GSE1: variants seen among roughly 807,000 people sequenced by gnomAD.
The protein encoded by GSE1 is genetic suppressor element 1.
GSE1 carries 32 observed loss-of-function variants against 112.6 expected under a neutral mutation model. The observed-to-expected ratio is 0.28, with a 90% CI of 0.21 to 0.38. The LOEUF (loss-of-function observed/expected upper bound fraction) is 0.38. Among genes scored for constraint, GSE1 ranks in the 10% least tolerant of loss-of-function variants. The pLI is 1.00. For synonymous variants in GSE1, 1,115 were observed against 735.6 expected, an observed-to-expected ratio of 1.52 and a Z score of -8.35; for missense variants, 2,348 against 1,699.2, an observed-to-expected ratio of 1.38 and a Z score of -6.71.
intron 1 of GSE1, among the ~76,000 whole-genome samples, chr16:85,604,947 A>G (rs1224013279): frequency 3.0e-5 from 4 of 134,678 alleles, no homozygotes; most frequent in African/African-American, 5.7e-5. Context: ...CCTCCCGAGT[A>G]GCTGGGACTA....
At chr16:85,289,219 C>T (rs1480568988) in intron 1 of GSE1, among the ~76,000 whole-genome samples, 1 of 152,160 alleles carries the variant, frequency 6.6e-6, no homozygotes, top group Non-Finnish European at 1.5e-5. Flanking sequence ...TCCCTGGAGT[C>T]CTCCCTGCAG....
At chr16:85,629,820 G>C (rs1303711322) in intron 1 of GSE1, among the ~76,000 whole-genome samples, 1 of 152,200 alleles carries the variant, frequency 6.6e-6, no homozygotes, top group Non-Finnish European at 1.5e-5. Flanking sequence ...ATGGATTGAG[G>C]GGGCGGCCTG....
intron 1 of GSE1, among the ~76,000 whole-genome samples, chr16:85,320,102 G>A (rs2930233): frequency 0.89 from 135,533 of 152,266 alleles, 60,602 homozygotes; most frequent in East Asian, 1. Context: ...AACTTTAAAT[G>A]AGGCAACAAG....
rs557067555 is a variant in GSE1, at chr16:85,418,993, C to T, written c.2464+61350C>T. ...GGGGGTGGGAGAGGCGCTGGAGCTCCGTCCTGGCCATGTGAGAGCTGCCGT... is the reference window on the plus strand; with the variant it reads ...GGGGGTGGGAGAGGCGCTGGAGCTCTGTCCTGGCCATGTGAGAGCTGCCGT... On this transcript the variant is annotated intron_variant, in intron 2 of 2. Transcript: ENST00000637419. Among the ~76,000 whole-genome samples the T allele has an allele frequency of 4.5e-4, 69 of 152,218 alleles. 1 individual carries two copies. Among genetic ancestry groups the T allele is most frequent in the African/African-American group, 1.5e-3 (63 of 41,526 alleles).
intron 1 of GSE1, among the ~76,000 whole-genome samples, chr16:85,314,017 G>A (rs566363085): frequency 6.6e-6 from 1 of 151,964 alleles, no homozygotes; most frequent in Admixed American, 6.6e-5. Context: ...AGCCTAGTGT[G>A]TGTATAAGAC....
At chr16:85,653,517 A>G (rs2051621358) in intron 3 of GSE1, among the ~76,000 whole-genome samples, 1 of 150,622 alleles carries the variant, frequency 6.6e-6, no homozygotes, top group Non-Finnish European at 1.5e-5. Context: ...GTGCCTGGAG[A>G]AGACCCCTCA....
At chr16:85,430,754 G>T (rs750899060) in intron 2 of GSE1, among the ~76,000 whole-genome samples, 6 of 152,204 alleles carry the variant, frequency 3.9e-5, no homozygotes, top group Non-Finnish European at 7.4e-5. Flanking sequence ...CCTGACGTAG[G>T]CACACACGTG....
chr16:85,559,271 G>A (rs2045398887), intron 1 of GSE1, among the ~76,000 whole-genome samples: 1 of 152,230 alleles, frequency 6.6e-6, no homozygotes, highest in African/African-American at 2.4e-5. Flanking sequence ...TATCAGATGA[G>A]CAAAGTGAGA....
chr16:85,373,669 C>A lies in GSE1; in HGVS notation c.2464+16026C>A, dbSNP rs1487356584. Among the ~76,000 whole-genome samples the A allele has an allele frequency of 1.3e-5, 2 of 152,146 alleles. No individual in the cohort carries two copies. Among genetic ancestry groups the A allele is most frequent in the African/African-American group, 2.4e-5 (1 of 41,448 alleles). ...ACGGCCTGGAAGAGTCCGCTCAGAG[C>A]AGGTGCTCCAGGGAGATTCTGGAGT... is the stretch of plus-strand genomic sequence containing the variant. On this transcript the variant is annotated intron_variant, in intron 2 of 2. Coordinates refer to the GSE1 transcript ENST00000637419. This position sits in a 1 kb window ranked among gnomAD's most constrained non-coding sequence, Gnocchi z 5.1.
intron 1 of GSE1, among the ~76,000 whole-genome samples, chr16:85,617,534 A>G (rs2048445712): frequency 6.9e-6 from 1 of 145,282 alleles, no homozygotes; most frequent in Admixed American, 7.1e-5. Flanking sequence ...TCCAGGCTGT[A>G]CTGCCAGGCA....
chr16:85,338,538 T>A (rs562412319), intron 1 of GSE1, among the ~76,000 whole-genome samples: 1 of 152,344 alleles, frequency 6.6e-6, no homozygotes, highest in African/African-American at 2.4e-5. Context: ...CAAGTAAGAT[T>A]TGCAAAGTGC....
intron 1 of GSE1, among the ~76,000 whole-genome samples, chr16:85,620,637 C>T (rs1377976455): frequency 2.0e-5 from 3 of 152,282 alleles, no homozygotes; most frequent in South Asian, 2.1e-4. Context: ...GATAAGAAAA[C>T]AGGGTTTCGG....
rs1455897417 is a variant in GSE1 at position 85,209,130 on chromosome 16, C to T, written c.2283+37323C>T. Among the ~76,000 whole-genome samples the T allele has an allele frequency of 7.2e-5, 11 of 152,226 alleles. No homozygotes were observed. In the East Asian group the frequency reaches 1.7e-3, roughly 24 times the overall value. On this transcript the variant is annotated intron_variant, in intron 1 of 2. Transcript: ENST00000637419. ...GGGTTCGCTGTGTGTTGGGGTTTGCCGTGTGTTTACTGAGTCCAGTGTTTC... is the reference window on the plus strand; with the variant it reads ...GGGTTCGCTGTGTGTTGGGGTTTGCTGTGTGTTTACTGAGTCCAGTGTTTC...
At chr16:85,478,891 CTTTCTTTCTTTCTT>C (rs1567520489) in intron 2 of GSE1, among the ~76,000 whole-genome samples, 8 of 72,550 alleles carry the variant, frequency 1.1e-4, no homozygotes, top group African/African-American at 4.5e-4. Flanking sequence ...TTCTTTCTTT[CTTTCTTTCTTTCTT>C]TCTTTCTTTC....
intron 1 of GSE1, among the ~76,000 whole-genome samples, chr16:85,214,776 C>T (rs1567615057): frequency 6.6e-6 from 1 of 151,782 alleles, no homozygotes; most frequent in Non-Finnish European, 1.5e-5. Context: ...GCAGGGTTGG[C>T]AGGCCTGGCA....
chr16:85,552,621 C>A (rs141361804), upstream of GSE1, among the ~76,000 whole-genome samples: 6 of 152,342 alleles, frequency 3.9e-5, no homozygotes, highest in East Asian at 1.2e-3. Flanking sequence ...CGTGAGCCAC[C>A]GCGCTCAGTC....
At chr16:85,563,302 G>A (rs932659423) in intron 1 of GSE1, among the ~76,000 whole-genome samples, 7 of 151,888 alleles carry the variant, frequency 4.6e-5, no homozygotes, top group African/African-American at 1.5e-4. Flanking sequence ...ATTACTAAGT[G>A]TGGCATATTT....
At chr16:85,613,674 C>T (rs1253721608) in intron 1 of GSE1, among the ~76,000 whole-genome samples, 1 of 113,716 alleles carries the variant, frequency 8.8e-6, no homozygotes, top group Non-Finnish European at 1.9e-5. Flanking sequence ...GGGGGGGGTG[C>T]GTTTAAGTGC....
At chr16:85,289,242 T>C (rs186187297) in intron 1 of GSE1, among the ~76,000 whole-genome samples, 1 of 152,162 alleles carries the variant, frequency 6.6e-6, no homozygotes, top group East Asian at 1.9e-4. Flanking sequence ...CCAGAGGCTC[T>C]TGTGAGTTCA....
Sources: gnomAD v4.1 joint callset for allele counts (sites outside exome capture counted in the v4.1 genomes callset) on GRCh38, gnomAD v4.1.1 for gene constraint, Gnocchi (gnomAD v3.1) non-coding constraint, MANE v1.5 for transcripts, NCBI Gene and HGNC (gene_info 2026-07-23, HGNC 2026-07-21) for gene names.